Variants in SH3RF3 observed in about 807,000 individuals in gnomAD.
SH3RF3 encodes SH3 domain containing ring finger 3.
In SH3RF3, 29 loss-of-function variants were observed where a neutral mutation model predicts 66.3. The ratio of observed to expected loss-of-function variants is 0.44; its 90% CI spans 0.33 to 0.60. The LOEUF (loss-of-function observed/expected upper bound fraction) is 0.60, where lower values mean the gene tolerates loss of function less well. SH3RF3 is among the 20% of genes least tolerant of loss of function. The pLI, the probability that SH3RF3 is intolerant of heterozygous loss-of-function variation, is 0.04. For synonymous variants in SH3RF3, 583 were observed against 532.0 expected (o/e 1.10, Z -1.32); for missense variants, 1,194 against 1,190.9 (o/e 1.00, Z -0.04).
chr2:109,344,394 C>T (rs919301802), intron 1 of SH3RF3, among the ~76,000 whole-genome samples: 3 of 152,176 alleles, frequency 2.0e-5, no homozygotes, highest in Non-Finnish European at 2.9e-5. Flanking sequence ...CAAAGCCCTG[C>T]ATGTTCCAGG....
At chr2:109,232,647 A>G (rs1679541083) in intron 1 of SH3RF3, among the ~76,000 whole-genome samples, 2 of 152,110 alleles carry the variant, frequency 1.3e-5, no homozygotes, top group South Asian at 4.1e-4. Context: ...GAAAGGGGTG[A>G]TTGATTAACA....
intron 1 of SH3RF3, among the ~76,000 whole-genome samples, chr2:109,166,719 C>T (rs1361196736): frequency 6.6e-6 from 1 of 152,226 alleles, no homozygotes; most frequent in Non-Finnish European, 1.5e-5. Flanking sequence ...GGAATGTCTT[C>T]TTCCTTTTTC....
intron 1 of SH3RF3, among the ~76,000 whole-genome samples, chr2:109,155,786 T>G (rs565735453): frequency 8.9e-4 from 136 of 152,296 alleles, no homozygotes; most frequent in African/African-American, 3.1e-3. Flanking sequence ...CACGTGCTGG[T>G]GTGTGTGAAT....
intron 1 of SH3RF3, among the ~76,000 whole-genome samples, chr2:109,155,618 A>G (rs1040672209): frequency 9.2e-5 from 14 of 152,058 alleles, no homozygotes; most frequent in African/African-American, 3.4e-4. Context: ...TGTTTTGATG[A>G]CACAATTTTG....
At position 109,382,974 on chromosome 2, in the gene SH3RF3, A is replaced by G. The variant is rs1431040310; in HGVS notation, c.945+11293A>G. On this transcript the variant is annotated intron_variant, in intron 3 of 9. Transcript: ENST00000309415. ...CTTCTTTCCTGAGTGTTCCAATCAC[A>G]ACACTCAGGACTTGAGAGTGTGTCT... 1.3e-5 allele frequency among the ~76,000 whole-genome samples: 2 copies of G among 152,204 alleles called. 1 individual carries two copies. Among genetic ancestry groups the G allele is most frequent in the Non-Finnish European group, 2.9e-5 (2 of 68,034 alleles).
At chr2:109,351,584 T>A (rs1257435886) in intron 2 of SH3RF3, among the ~76,000 whole-genome samples, 1 of 152,262 alleles carries the variant, frequency 6.6e-6, no homozygotes, top group Non-Finnish European at 1.5e-5. Flanking sequence ...GCAGCTGCAT[T>A]TGCTATGCAG....
intron 1 of SH3RF3, among the ~76,000 whole-genome samples, chr2:109,138,274 G>A (rs995393483): frequency 2.0e-5 from 3 of 152,112 alleles, no homozygotes; most frequent in African/African-American, 7.2e-5. Flanking sequence ...TGATCCGCCC[G>A]CCTTGGCCTC....
chr2:109,481,676 C>G (rs2104764868), intron 8 of SH3RF3, among the ~76,000 whole-genome samples: 1 of 152,318 alleles, frequency 6.6e-6, no homozygotes, highest in South Asian at 2.1e-4. Context: ...ATGGAGGGCT[C>G]TGCCTCGCAG....
At chr2:109,134,258 C>T (rs1676767809) in intron 1 of SH3RF3, among the ~76,000 whole-genome samples, 1 of 152,134 alleles carries the variant, frequency 6.6e-6, no homozygotes, top group Admixed American at 6.5e-5. Flanking sequence ...TTCCTCCGCC[C>T]TTCTGTCCAG....
chr2:109,481,218 G>A (rs892307347), intron 8 of SH3RF3, among the ~76,000 whole-genome samples: 6 of 152,212 alleles, frequency 3.9e-5, no homozygotes, highest in African/African-American at 1.4e-4. Context: ...GTCAGGTTGG[G>A]TGGCGAGGGT....
chr2:109,188,356 A>C (rs1335261084), intron 1 of SH3RF3, among the ~76,000 whole-genome samples: 3 of 152,138 alleles, frequency 2.0e-5, no homozygotes, highest in Admixed American at 2.0e-4. Context: ...TGTCTTCCTC[A>C]CAGTGATCAC....
Position 109,190,177 on chromosome 2 carries a change from A to AT in SH3RF3, c.573+60077dup, listed in dbSNP as rs201914781. On this transcript the variant is annotated intron_variant, in intron 1 of 9. Coordinates refer to ENST00000309415, the MANE Select transcript of SH3RF3 (RefSeq NM_001099289.3). ...TCTATTACAATCACCTTGACATCCT[A>AT]TTTTTTTTTTTTTGAGACGGAGTCT... Among the ~76,000 whole-genome samples the AT allele has an allele frequency of 2.8e-3, 401 of 145,334 alleles. 1 individual carries two copies. Among genetic ancestry groups the AT allele is most frequent in the Middle Eastern group, 7.4e-3 (2 of 272 alleles).
intron 1 of SH3RF3, among the ~76,000 whole-genome samples, chr2:109,159,787 C>T (rs536349001): frequency 2.7e-4 from 41 of 152,252 alleles, no homozygotes; most frequent in African/African-American, 8.4e-4. Context: ...ACTGCACATG[C>T]GGGGGATTTA....
At chr2:109,342,728 A>G (rs1376681512) in intron 1 of SH3RF3, among the ~76,000 whole-genome samples, 1 of 152,192 alleles carries the variant, frequency 6.6e-6, no homozygotes, top group Non-Finnish European at 1.5e-5. Context: ...CTGCTGCCAC[A>G]TGCCTGATTC....
chr2:109,497,818 G>A (rs894819941), intron 9 of SH3RF3, among the ~76,000 whole-genome samples: 2 of 152,216 alleles, frequency 1.3e-5, no homozygotes, highest in African/African-American at 4.8e-5. Flanking sequence ...TATTTTTAAA[G>A]CTGCTTGTTT....
intron 8 of SH3RF3, among the ~76,000 whole-genome samples, chr2:109,452,604 G>A (rs1383876031): frequency 6.6e-6 from 1 of 152,202 alleles, no homozygotes; most frequent in Non-Finnish European, 1.5e-5. Flanking sequence ...TCTCCTAGGA[G>A]CGTGGGAGAT....
intron 3 of SH3RF3, among the ~76,000 whole-genome samples, chr2:109,395,278 C>T (rs1019107854): frequency 6.6e-6 from 1 of 152,146 alleles, no homozygotes; most frequent in African/African-American, 2.4e-5. Flanking sequence ...TGAGGCCCTT[C>T]GGGTTAGTCC....
intron 1 of SH3RF3, among the ~76,000 whole-genome samples, chr2:109,148,826 C>T (rs530033354): frequency 1.4e-5 from 2 of 142,638 alleles, no homozygotes; most frequent in South Asian, 4.8e-4. Flanking sequence ...TGTGTAGGGA[C>T]AGCAATCATG....
intron 3 of SH3RF3, among the ~76,000 whole-genome samples, chr2:109,376,700 C>G (rs1331846615): frequency 6.6e-6 from 1 of 152,222 alleles, no homozygotes; most frequent in African/African-American, 2.4e-5. Context: ...ATAGGATATT[C>G]AGAAATTGGC....
Sources: gnomAD v4.1 joint callset for allele counts (sites outside exome capture counted in the v4.1 genomes callset) on GRCh38, gnomAD v4.1.1 for gene constraint, MANE v1.5 for transcripts, NCBI Gene and HGNC (gene_info 2026-07-23, HGNC 2026-07-21) for gene names.